The following BNC2 variants were observed in gnomAD, a reference collection of about 807,000 sequenced individuals.
BNC2 encodes zinc finger protein basonuclin-2.
BNC2 carries 20 observed loss-of-function variants against 76.3 expected under a neutral mutation model. The ratio of observed to expected loss-of-function variants is 0.26; its 90% confidence interval spans 0.18 to 0.38. The LOEUF (loss-of-function observed/expected upper bound fraction) is 0.38, where lower values mean the gene tolerates loss of function less well. Ranked by LOEUF, BNC2 falls within the 10% of genes least tolerant of loss-of-function variation. BNC2 has a pLI of 1.00. For synonymous variants in BNC2, 582 were observed against 514.8 expected (o/e 1.13, Z -1.77); for missense variants, 1,382 against 1,399.8 (o/e 0.99, Z 0.20).
At chr9:16,481,615 C>T (rs932273326) in intron 5 of BNC2, among the ~76,000 whole-genome samples, 1 of 152,222 alleles carries the variant, frequency 6.6e-6, no homozygotes, top group Non-Finnish European at 1.5e-5. Context: ...CAATTCCGGA[C>T]ACACCATCGC....
chr9:16,808,432 C>A (rs1179571748), intron 1 of BNC2, among the ~76,000 whole-genome samples: 1 of 151,406 alleles, frequency 6.6e-6, no homozygotes, highest in Admixed American at 6.6e-5. Context: ...CCAACCTGAG[C>A]CCCAGGCCTG....
intron 3 of BNC2, among the ~76,000 whole-genome samples, chr9:16,687,083 C>T (rs1823000678): frequency 6.6e-6 from 1 of 152,092 alleles, no homozygotes; most frequent in Non-Finnish European, 1.5e-5. Flanking sequence ...AACGAAAAAA[C>T]TGAGGCTTAG....
At chr9:16,521,685 G>A (rs898851396) in intron 5 of BNC2, among the ~76,000 whole-genome samples, 3 of 151,996 alleles carry the variant, frequency 2.0e-5, no homozygotes, top group South Asian at 2.1e-4. Context: ...TCTTTGTAAC[G>A]TGAGATTCCT....
intron 5 of BNC2, among the ~76,000 whole-genome samples, chr9:16,545,617 C>T (rs949605343): frequency 2.0e-5 from 3 of 152,112 alleles, no homozygotes. Context: ...ATAGCTATTC[C>T]ACCACACATG....
chr9:16,705,990 CAG>C (rs3831184), intron 3 of BNC2, among the ~76,000 whole-genome samples: 17,217 of 152,212 alleles, frequency 0.11, 1,161 homozygotes, highest in South Asian at 0.22. Flanking sequence ...ATTGCTTGTG[CAG>C]AGAGTTCTGC....
chr9:16,552,470 T>G, intron 5 of BNC2, 60 bp downstream of exon 5: 2 of 1,469,782 alleles, frequency 1.4e-6, no homozygotes, highest in Non-Finnish European at 1.9e-6. Context: ...TCAAGGACTC[T>G]CACCCTTCCC....
intron 3 of BNC2, among the ~76,000 whole-genome samples, chr9:16,620,575 A>G (rs1409838974): frequency 6.6e-6 from 1 of 152,162 alleles, no homozygotes; most frequent in African/African-American, 2.4e-5. Flanking sequence ...AACAAAAGAT[A>G]TGGAAGCAAA....
intron 1 of BNC2, among the ~76,000 whole-genome samples, chr9:16,787,422 A>C (rs1443506759): frequency 6.6e-6 from 1 of 152,238 alleles, no homozygotes; most frequent in Non-Finnish European, 1.5e-5. Context: ...CTCTGGAGCC[A>C]CGCTGCCTGA....
intron 1 of BNC2, among the ~76,000 whole-genome samples, chr9:16,809,756 G>A (rs111845565): frequency 0.011 from 1,710 of 152,040 alleles, 41 homozygotes; most frequent in African/African-American, 0.039. Context: ...CCAGCCTGGC[G>A]ACAGTGCAAG....
intron 3 of BNC2, among the ~76,000 whole-genome samples, chr9:16,653,923 C>A (rs539344316): frequency 3.9e-5 from 6 of 151,994 alleles, no homozygotes; most frequent in Non-Finnish European, 2.9e-5. Context: ...TCGCCTCCCC[C>A]ACTCCTTCCT....
intron 1 of BNC2, among the ~76,000 whole-genome samples, chr9:16,847,030 T>G (rs1438167403): frequency 2.6e-5 from 4 of 152,200 alleles, no homozygotes; most frequent in Non-Finnish European, 5.9e-5. Flanking sequence ...ATATTTAAAA[T>G]AGTAATATCT....
chr9:16,586,167 G>A (rs1456483474), intron 3 of BNC2, among the ~76,000 whole-genome samples: 2 of 151,862 alleles, frequency 1.3e-5, no homozygotes, highest in Admixed American at 6.6e-5. Context: ...GTCTTGTTCC[G>A]AGTGCCCAGA....
chr9:16,752,899 G>A (rs1230097960), intron 1 of BNC2, among the ~76,000 whole-genome samples: 2 of 152,114 alleles, frequency 1.3e-5, no homozygotes, highest in Non-Finnish European at 2.9e-5. Flanking sequence ...AATGAATACA[G>A]TGCACTACAT....
chr9:16,585,418 TG>T (rs1363085580), intron 3 of BNC2, among the ~76,000 whole-genome samples: 4 of 152,170 alleles, frequency 2.6e-5, no homozygotes, highest in African/African-American at 9.7e-5. Flanking sequence ...CAACTCCTTT[TG>T]TATATAAACA....
At chr9:16,723,728 A>T (rs1824234827) in intron 3 of BNC2, among the ~76,000 whole-genome samples, 1 of 152,086 alleles carries the variant, frequency 6.6e-6, no homozygotes, top group Admixed American at 6.5e-5. Context: ...ACTCTGTCAT[A>T]TCTCTGGTGA....
At chr9:16,539,634 CGAGGGAGGGAGAGAGAGAGAGAA>C (rs1818242879) in intron 5 of BNC2, among the ~76,000 whole-genome samples, 1 of 15,108 alleles carries the variant, frequency 6.6e-5, no homozygotes, top group Non-Finnish European at 1.0e-4. Flanking sequence ...AGGGAGGGAG[CGAGGGAGGGAGAGAGAGAGAGAA>C]GGGAGGGAGG....
intron 5 of BNC2, among the ~76,000 whole-genome samples, chr9:16,459,201 C>CA (rs1821520354): frequency 6.6e-6 from 1 of 152,246 alleles, no homozygotes; most frequent in East Asian, 1.9e-4. Flanking sequence ...TGTGTCCTAG[C>CA]ATGCATTCTA....
At chr9:16,805,814 C>A (rs557840529) in intron 1 of BNC2, among the ~76,000 whole-genome samples, 145 of 152,178 alleles carry the variant, frequency 9.5e-4, no homozygotes, top group African/African-American at 3.2e-3. Context: ...ATAAAATTCA[C>A]TTAAATGTAA....
intron 3 of BNC2, among the ~76,000 whole-genome samples, chr9:16,682,127 A>T (rs901052011): frequency 6.6e-6 from 1 of 151,752 alleles, no homozygotes; most frequent in Non-Finnish European, 1.5e-5. Context: ...ATACCCATTT[A>T]ATAAGGTGGT....
Sources: allele counts gnomAD v4.1 joint callset (sites outside exome capture counted in the v4.1 genomes callset), GRCh38; gene constraint gnomAD v4.1.1; transcripts MANE v1.5; gene names NCBI Gene and HGNC (gene_info 2026-07-23, HGNC 2026-07-21).